The following WHRN variants were observed in gnomAD, a reference collection of about 807,000 sequenced individuals.
WHRN encodes the protein CASK-interacting protein CIP98.
WHRN carries 41 observed loss-of-function variants against 68.3 expected under a neutral mutation model. The ratio of observed to expected loss-of-function variants is 0.60; its 90% confidence interval spans 0.47 to 0.78. The LOEUF (loss-of-function observed/expected upper bound fraction) is 0.78, where lower values mean the gene tolerates loss of function less well. WHRN is among the 30% of genes least tolerant of loss of function. The probability of loss-of-function intolerance (pLI) is 0.00; values close to 1 mark genes in which losing one functional copy is unlikely to be tolerated. For synonymous variants in WHRN, 560 were observed against 561.3 expected (o/e 1.00, Z 0.03); for missense variants, 1,243 against 1,244.7 (o/e 1.00, Z 0.02).
intron 7 of WHRN, among the ~76,000 whole-genome samples, chr9:114,411,798 G>T (rs953401507): frequency 2.0e-5 from 3 of 152,244 alleles, no homozygotes; most frequent in Non-Finnish European, 4.4e-5. Context: ...GAAGAGACTT[G>T]TCCAAGGTCA....
At chr9:114,453,613 C>CCTTTAAATTCCACAACTTTA (rs2132744684) in intron 3 of WHRN, among the ~76,000 whole-genome samples, 1 of 152,090 alleles carries the variant, frequency 6.6e-6, no homozygotes, top group East Asian at 1.9e-4. Context: ...ACCTTACAAG[C>CCTTTAAATTCCACAACTTTA]AATTCTCTGC....
chr9:114,498,410 T>C (rs2133396346), intron 1 of WHRN, among the ~76,000 whole-genome samples: 1 of 152,230 alleles, frequency 6.6e-6, no homozygotes, highest in South Asian at 2.1e-4. Context: ...GCACTGTAAA[T>C]GCTGGGTGAC....
chr9:114,424,812 G>A (rs1282204696), intron 5 of WHRN, among the ~76,000 whole-genome samples, 176 bp downstream of exon 5: 1 of 152,206 alleles, frequency 6.6e-6, no homozygotes, highest in Admixed American at 6.5e-5. Flanking sequence ...TGGTGCCAGA[G>A]GTAGTGCCCA....
chr9:114,486,944 TGTGTG>T, intron 1 of WHRN, among the ~76,000 whole-genome samples: 1 of 1,268 alleles, frequency 7.9e-4, no homozygotes, highest in African/African-American at 1.5e-3. Context: ...GTGTGTGTTG[TGTGTG>T]TGTGTGTGTG....
At chr9:114,492,826 A>G (rs1006351905) in intron 1 of WHRN, among the ~76,000 whole-genome samples, 1 of 152,070 alleles carries the variant, frequency 6.6e-6, no homozygotes, top group Non-Finnish European at 1.5e-5. Flanking sequence ...CGTCTACAAA[A>G]GAAAAAAAAA....
At chr9:114,466,587 C>A (rs1840716985) in intron 2 of WHRN, among the ~76,000 whole-genome samples, 195 bp from the exon 3 acceptor site, 1 of 152,188 alleles carries the variant, frequency 6.6e-6, no homozygotes, top group Non-Finnish European at 1.5e-5. Context: ...TGATGGGTGA[C>A]CTTGAGGAAG....
chr9:114,489,423 C>T (rs1314446267), intron 1 of WHRN, among the ~76,000 whole-genome samples: 2 of 151,896 alleles, frequency 1.3e-5, no homozygotes, highest in Admixed American at 6.6e-5. Flanking sequence ...AATTCAATTT[C>T]AATATAAATA....
chr9:114,416,234 G>A (rs1589086195), intron 7 of WHRN, among the ~76,000 whole-genome samples: 1 of 152,228 alleles, frequency 6.6e-6, no homozygotes, highest in Admixed American at 6.5e-5. Context: ...GAAAAAGCCT[G>A]AGGTCAAGTC....
chr9:114,428,198 C>A (rs561535975), intron 3 of WHRN, among the ~76,000 whole-genome samples: 1 of 152,140 alleles, frequency 6.6e-6, no homozygotes, highest in South Asian at 2.1e-4. Flanking sequence ...CGAGGTGGTG[C>A]GCCTGTAGTC....
At chr9:114,472,621 C>A (rs886393827) in intron 2 of WHRN, among the ~76,000 whole-genome samples, 13 of 152,130 alleles carry the variant, frequency 8.5e-5, no homozygotes, top group African/African-American at 3.1e-4. Flanking sequence ...ACGGTCCCCC[C>A]ACAACACACT....
At chr9:114,462,335 T>C (rs11788304) in intron 3 of WHRN, among the ~76,000 whole-genome samples, 2,714 of 152,220 alleles carry the variant, frequency 0.018, 32 homozygotes, top group African/African-American at 0.035. Context: ...TTTTGCTCTA[T>C]GTAAAGAGAA....
chr9:114,439,910 T>G (rs1054003370), intron 3 of WHRN, among the ~76,000 whole-genome samples: 3 of 152,184 alleles, frequency 2.0e-5, no homozygotes, highest in Non-Finnish European at 4.4e-5. Context: ...CATACACAAA[T>G]CTATTATATT....
At position 114,466,365 on chromosome 9, in the gene WHRN, A is replaced by T. The variant is rs747643218; in HGVS notation, c.865T>A (p.Ser289Thr). ...CCCCCACGGATCGTGAGGCCCAGGG[A>T]CCGGCCGTCCCCCAGCACCAGGTTC... ...KVNLVLGDGR[S>T]LGLTIRGGAE... The change falls in exon 3 of 12, where the codon TCC (serine) becomes ACC (threonine). Residue 289 changes from serine (S) to threonine (T), a missense_variant. Coordinates refer to ENST00000362057, the MANE Select transcript of WHRN (RefSeq NM_015404.4). 2 of 1,614,128 alleles carry T rather than the reference A, an allele frequency of 1.2e-6. No homozygotes were observed.
intron 3 of WHRN, among the ~76,000 whole-genome samples, chr9:114,441,200 AAT>A (rs1203184044): frequency 2.0e-5 from 3 of 152,166 alleles, no homozygotes; most frequent in Non-Finnish European, 4.4e-5. Context: ...TATAACATAC[AAT>A]ATATGTGTTA....
chr9:114,501,594 TCTCC>T (rs1348482889), intron 1 of WHRN, among the ~76,000 whole-genome samples: 1 of 140,512 alleles, frequency 7.1e-6, no homozygotes, highest in Non-Finnish European at 1.5e-5. Flanking sequence ...ACACTGAATC[TCTCC>T]GTTTGGGAAG....
At chr9:114,405,244 G>A (rs768638224) in intron 9 of WHRN, among the ~76,000 whole-genome samples, 10 of 151,754 alleles carry the variant, frequency 6.6e-5, no homozygotes, top group African/African-American at 1.2e-4. Context: ...GCTAATTATC[G>A]TATCTTTAGT....
At chr9:114,434,680 C>T (rs1162693658) in intron 3 of WHRN, among the ~76,000 whole-genome samples, 1 of 152,242 alleles carries the variant, frequency 6.6e-6, no homozygotes, top group Non-Finnish European at 1.5e-5. Context: ...TCCCAGCTGT[C>T]CTTGTCTCTC....
chr9:114,417,589 G>C (rs1044284005), intron 7 of WHRN, among the ~76,000 whole-genome samples: 6 of 152,228 alleles, frequency 3.9e-5, no homozygotes, highest in African/African-American at 1.4e-4. Context: ...ATTTAGCAGA[G>C]GTATGAGGAG....
chr9:114,464,697 T>A (rs1840513129), intron 3 of WHRN, among the ~76,000 whole-genome samples: 1 of 152,164 alleles, frequency 6.6e-6, no homozygotes, highest in African/African-American at 2.4e-5. Flanking sequence ...GAGAAAGGAA[T>A]GTTACCTATT....
Sources: allele counts gnomAD v4.1 joint callset (sites outside exome capture counted in the v4.1 genomes callset), GRCh38; gene constraint gnomAD v4.1.1; transcripts MANE v1.5; gene names NCBI Gene and HGNC (gene_info 2026-07-23, HGNC 2026-07-21).